Variants in PLEKHA5 observed in about 807,000 individuals in gnomAD.
PLEKHA5 encodes pleckstrin homology domain-containing family A member 5.
In PLEKHA5, 55 loss-of-function variants were observed where a neutral mutation model predicts 181.9. The ratio of observed to expected loss-of-function variants is 0.30; its 90% confidence interval spans 0.24 to 0.38. The LOEUF is 0.38. Among genes scored for constraint, PLEKHA5 ranks in the 10% least tolerant of loss-of-function variants. PLEKHA5 has a pLI of 1.00. For synonymous variants in PLEKHA5, 535 were observed against 529.4 expected (o/e 1.01, Z -0.15); for missense variants, 1,432 against 1,549.5 (o/e 0.92, Z 1.27).
intron 24 of PLEKHA5, among the ~76,000 whole-genome samples, chr12:19,347,658 G>C (rs1316709514): frequency 6.6e-6 from 1 of 152,058 alleles, no homozygotes; most frequent in African/African-American, 2.4e-5. Flanking sequence ...TACGTTTAGG[G>C]TTAAGCAAAT....
intron 15 of PLEKHA5, among the ~76,000 whole-genome samples, chr12:19,308,434 A>G (rs540690340): frequency 2.0e-4 from 31 of 152,198 alleles, no homozygotes; most frequent in African/African-American, 5.1e-4. Flanking sequence ...GATGTAAGCA[A>G]TTCTTGTCAT....
intron 3 of PLEKHA5, among the ~76,000 whole-genome samples, chr12:19,173,431 C>A (rs1272376399): frequency 6.9e-6 from 1 of 145,586 alleles, no homozygotes; most frequent in Non-Finnish European, 1.5e-5. Flanking sequence ...TCAATCTCTG[C>A]CCATCAGAAT....
chr12:19,171,492 G>A (rs899567782), intron 3 of PLEKHA5, among the ~76,000 whole-genome samples: 2 of 151,992 alleles, frequency 1.3e-5, no homozygotes, highest in African/African-American at 4.8e-5. Flanking sequence ...TTTTTGAGAT[G>A]GAGTTTTGCT....
chr12:19,322,206 T>A, intron 18 of PLEKHA5, 104 bp from the exon 19 acceptor site: 1 of 705,826 alleles, frequency 1.4e-6, no homozygotes, highest in Non-Finnish European at 2.5e-6. Flanking sequence ...ATATTTTAAC[T>A]TTTATTGATT....
chr12:19,195,209 T>C (rs2052356504), intron 3 of PLEKHA5, among the ~76,000 whole-genome samples: 1 of 152,174 alleles, frequency 6.6e-6, no homozygotes, highest in Non-Finnish European at 1.5e-5. Flanking sequence ...CATACCACAC[T>C]GCTAGCACAT....
At chr12:19,146,254 C>T (rs576343652) in intron 3 of PLEKHA5, among the ~76,000 whole-genome samples, 4 of 152,322 alleles carry the variant, frequency 2.6e-5, no homozygotes, top group Admixed American at 1.3e-4. Context: ...AAAATGGTAT[C>T]TTCTTGTTTG....
At chr12:19,167,156 A>G (rs896951178) in intron 3 of PLEKHA5, among the ~76,000 whole-genome samples, 17 of 152,132 alleles carry the variant, frequency 1.1e-4, no homozygotes, top group African/African-American at 3.1e-4. Flanking sequence ...GAAGAAAGCA[A>G]TCTCCAGAGT....
chr12:19,291,004 T>C (rs1205253858), intron 14 of PLEKHA5, among the ~76,000 whole-genome samples: 1 of 150,968 alleles, frequency 6.6e-6, no homozygotes, highest in Admixed American at 6.6e-5. Flanking sequence ...CATTTCTTCT[T>C]AGCCTTCTAC....
chr12:19,305,861 CAAAAAAAAAAA>C (rs376068601), intron 15 of PLEKHA5, among the ~76,000 whole-genome samples: 6,818 of 38,212 alleles, frequency 0.18, 345 homozygotes, highest in Middle Eastern at 0.34. Context: ...AACTCCATCT[CAAAAAAAAAAA>C]AAAAAAAAAA....
chr12:19,196,470 C>A (rs2052767045), intron 3 of PLEKHA5, among the ~76,000 whole-genome samples: 1 of 152,174 alleles, frequency 6.6e-6, no homozygotes, highest in Admixed American at 6.5e-5. Context: ...TCATATCTAG[C>A]TAGCAAGAGT....
chr12:19,367,482 T>TG (rs149765566), intron 30 of PLEKHA5, among the ~76,000 whole-genome samples: 2,681 of 151,820 alleles, frequency 0.018, 72 homozygotes, highest in African/African-American at 0.061. Context: ...CTTGAACTCC[T>TG]GACCTCAGGT....
At chr12:19,225,612 G>A (rs1324164042) in intron 3 of PLEKHA5, among the ~76,000 whole-genome samples, 1 of 152,136 alleles carries the variant, frequency 6.6e-6, no homozygotes, top group Non-Finnish European at 1.5e-5. Flanking sequence ...CTCATGAGAA[G>A]CAACAAAAGC....
chr12:19,283,779 A>G (rs141848575), intron 12 of PLEKHA5, 34 bp downstream of exon 12: 14,920 of 1,322,878 alleles, frequency 0.011, 95 homozygotes, highest in Middle Eastern at 0.018. Context: ...TTAACTCACT[A>G]CCTTATAAAT....
chr12:19,190,205 T>C (rs1006351705), intron 3 of PLEKHA5, among the ~76,000 whole-genome samples: 1 of 152,230 alleles, frequency 6.6e-6, no homozygotes, highest in Non-Finnish European at 1.5e-5. Context: ...TTGTTATATT[T>C]ACTGGTAATT....
chr12:19,313,496 G>A (rs1362098835), intron 15 of PLEKHA5, among the ~76,000 whole-genome samples: 1 of 152,150 alleles, frequency 6.6e-6, no homozygotes, highest in Non-Finnish European at 1.5e-5. Flanking sequence ...AACTACCTGG[G>A]TAGATGGAAA....
At chr12:19,360,121 C>T (rs933540301) in intron 28 of PLEKHA5, among the ~76,000 whole-genome samples, 7 of 151,892 alleles carry the variant, frequency 4.6e-5, no homozygotes, top group Non-Finnish European at 8.8e-5. Flanking sequence ...CACTTGAGCC[C>T]AGAAGTTTGA....
rs34563287 is a variant in PLEKHA5 at position 19,369,334 on chromosome 12, CA to C, written c.3755-346del. Among the ~76,000 whole-genome samples the C allele has an allele frequency of 2.9e-3, 410 of 139,392 alleles. 4 individuals carry two copies. Among genetic ancestry groups the C allele is most frequent in the Middle Eastern group, 0.011 (3 of 278 alleles). 91.4% of individuals were successfully genotyped at this position (139,392 alleles called of 152,430 possible). A position where few individuals can be genotyped will look rare whatever the true frequency, so the allele number is the denominator to read the frequency against. Reference sequence around the variant, plus strand: ...ACAGACATGAGCCACCACGCCCAGCCAAAAAAAAAAAAATTTTTAAGTAGTT... The same window carrying C: ...ACAGACATGAGCCACCACGCCCAGCCAAAAAAAAAAAATTTTTAAGTAGTT... On this transcript the variant is annotated intron_variant, in intron 30 of 31. Coordinates refer to ENST00000429027, the MANE Select transcript of PLEKHA5 (RefSeq NM_001256470.2).
intron 7 of PLEKHA5, among the ~76,000 whole-genome samples, chr12:19,265,285 C>T (rs1349981398): frequency 1.3e-5 from 2 of 151,942 alleles, no homozygotes; most frequent in Admixed American, 6.6e-5. Flanking sequence ...TATAGTTTGC[C>T]GGAGGTATTG....
intron 3 of PLEKHA5, among the ~76,000 whole-genome samples, chr12:19,139,768 A>G (rs1164452627): frequency 1.3e-5 from 2 of 152,244 alleles, no homozygotes; most frequent in East Asian, 3.8e-4. Flanking sequence ...GTTAAGCTCC[A>G]AACCCCTGCA....
Sources: allele counts gnomAD v4.1 joint callset (sites outside exome capture counted in the v4.1 genomes callset), GRCh38; gene constraint gnomAD v4.1.1; transcripts MANE v1.5; gene names NCBI Gene and HGNC (gene_info 2026-07-23, HGNC 2026-07-21).